PLCL1: variants seen among roughly 807,000 people sequenced by gnomAD.
PLCL1 encodes phospholipase C like 1 (inactive), also known as inactive phospholipase C-like protein 1.
In PLCL1, 41 loss-of-function variants were observed where a neutral mutation model predicts 84.4. The observed-to-expected ratio is 0.49, with a 90% CI of 0.38 to 0.63. The LOEUF is 0.63. PLCL1 is among the 30% of genes least tolerant of loss of function. The probability of loss-of-function intolerance (pLI) is 0.00; values close to 1 mark genes in which losing one functional copy is unlikely to be tolerated. For synonymous variants in PLCL1, 490 were observed against 488.3 expected (o/e 1.00, Z -0.05); for missense variants, 1,206 against 1,367.8 (o/e 0.88, Z 1.87).
chr2:197,949,882 G>A (rs966824789), intron 1 of PLCL1, among the ~76,000 whole-genome samples: 1 of 152,138 alleles, frequency 6.6e-6, no homozygotes, highest in African/African-American at 2.4e-5. Context: ...ATTTATGAGT[G>A]GGGAACTCAA....
At chr2:197,875,475 C>T (rs1687717131) in intron 1 of PLCL1, among the ~76,000 whole-genome samples, 1 of 151,990 alleles carries the variant, frequency 6.6e-6, no homozygotes, top group African/African-American at 2.4e-5. Flanking sequence ...TCAAAATGAT[C>T]TATTTGTTGA....
At chr2:198,031,659 C>G (rs111761649) in intron 1 of PLCL1, among the ~76,000 whole-genome samples, 1 of 103,826 alleles carries the variant, frequency 9.6e-6, no homozygotes, top group Non-Finnish European at 1.9e-5. Flanking sequence ...ATGGCCAGTG[C>G]TTTTTTTTTT....
At chr2:198,116,767 CAAAGA>C (rs963992273) in intron 5 of PLCL1, among the ~76,000 whole-genome samples, 3 of 151,844 alleles carry the variant, frequency 2.0e-5, no homozygotes, top group Non-Finnish European at 2.9e-5. Flanking sequence ...GTTTCAGAGA[CAAAGA>C]AGAGAATCCT....
chr2:198,144,661 C>T (rs16827923), intron 5 of PLCL1, among the ~76,000 whole-genome samples: 2 of 152,198 alleles, frequency 1.3e-5, no homozygotes, highest in Admixed American at 6.5e-5. Context: ...GAAAATGGCC[C>T]AGATAAAAAT....
intron 1 of PLCL1, among the ~76,000 whole-genome samples, chr2:198,034,910 G>C (rs988350763): frequency 2.0e-5 from 3 of 152,172 alleles, no homozygotes; most frequent in Non-Finnish European, 2.9e-5. Context: ...GGGTTAATCT[G>C]ATGTTGTTTA....
At chr2:198,076,769 C>T (rs1218408345) in intron 1 of PLCL1, among the ~76,000 whole-genome samples, 1 of 152,144 alleles carries the variant, frequency 6.6e-6, no homozygotes, top group Admixed American at 6.5e-5. Context: ...GAAAATTTAA[C>T]GTGAAATTAA....
chr2:198,070,545 T>C (rs1406834905), intron 1 of PLCL1, among the ~76,000 whole-genome samples: 1 of 152,062 alleles, frequency 6.6e-6, no homozygotes, highest in Admixed American at 6.5e-5. Flanking sequence ...TGTAAGATAC[T>C]AAAATAATTT....
chr2:197,961,298 T>C (rs546395893), intron 1 of PLCL1, among the ~76,000 whole-genome samples: 66 of 151,376 alleles, frequency 4.4e-4, no homozygotes, highest in Non-Finnish European at 7.7e-4. Flanking sequence ...TGTCTAACAT[T>C]AGATTTTTTG....
chr2:197,897,131 T>C (rs536286975), intron 1 of PLCL1, among the ~76,000 whole-genome samples: 11 of 30,498 alleles, frequency 3.6e-4, no homozygotes, highest in African/African-American at 2.4e-3. Context: ...TTCTTCTTCT[T>C]CTTCTTCTTC....
intron 1 of PLCL1, among the ~76,000 whole-genome samples, chr2:197,878,353 G>A (rs572422456): frequency 5.0e-4 from 76 of 152,206 alleles, no homozygotes; most frequent in African/African-American, 1.8e-3. Flanking sequence ...GTAGCAGCAA[G>A]CATTTGACTT....
intron 5 of PLCL1, among the ~76,000 whole-genome samples, chr2:198,110,661 A>G (rs1019565400): frequency 6.6e-6 from 1 of 151,878 alleles, no homozygotes; most frequent in Non-Finnish European, 1.5e-5. Context: ...CTTACTGGCC[A>G]TAGATATTTA....
intron 1 of PLCL1, among the ~76,000 whole-genome samples, chr2:198,036,629 G>A (rs796798336): frequency 6.6e-6 from 1 of 152,106 alleles, no homozygotes; most frequent in Non-Finnish European, 1.5e-5. Context: ...ATTGACCTAA[G>A]CTGATTTGGT....
chr2:197,919,404 G>A (rs1019023914), intron 1 of PLCL1, among the ~76,000 whole-genome samples: 4 of 152,146 alleles, frequency 2.6e-5, no homozygotes, highest in African/African-American at 4.8e-5. Flanking sequence ...CCCACATGTC[G>A]TTTACTATCA....
chr2:197,965,406 A>G (rs137879165), intron 1 of PLCL1, among the ~76,000 whole-genome samples: 200 of 152,146 alleles, frequency 1.3e-3, no homozygotes, highest in African/African-American at 4.3e-3. Context: ...TGGTTGTCAT[A>G]TCTCCTTTAA....
Position 197,891,492 on chromosome 2 carries a change from G to A in PLCL1, c.240+86153G>A, listed in dbSNP as rs145767697. The stretch of plus-strand genomic sequence containing the variant: ...ACACTTTGAGAAACAGACATTGGGC[G>A]TGTGAAGGGGCTAAGGTGGAATTGG... On this transcript the variant is annotated intron_variant, in intron 1 of 5. Transcript: ENST00000428675. 1.5e-3 allele frequency among the ~76,000 whole-genome samples: 231 copies of A among 152,202 alleles called. 1 individual carries two copies. The highest frequency in any genetic ancestry group is 5.1e-3 in the African/African-American group (211 of 41,520).
intron 1 of PLCL1, among the ~76,000 whole-genome samples, chr2:197,865,659 A>G (rs1211829458): frequency 2.0e-5 from 3 of 152,092 alleles, no homozygotes; most frequent in African/African-American, 4.8e-5. Context: ...GTTAAGTTAG[A>G]TGAAACATAT....
At chr2:198,024,159 A>G (rs1017745503) in intron 1 of PLCL1, among the ~76,000 whole-genome samples, 18 of 152,212 alleles carry the variant, frequency 1.2e-4, no homozygotes, top group Admixed American at 9.8e-4. Context: ...CAGAAAACAA[A>G]CACCACATGT....
At chr2:197,955,520 T>A (rs1411098960) in intron 1 of PLCL1, among the ~76,000 whole-genome samples, 1 of 151,676 alleles carries the variant, frequency 6.6e-6, no homozygotes, top group Non-Finnish European at 1.5e-5. Flanking sequence ...GCTGCTCCTA[T>A]TGATCTTTCC....
At chr2:198,074,571 G>A (rs112935877) in intron 1 of PLCL1, among the ~76,000 whole-genome samples, 4,593 of 152,196 alleles carry the variant, frequency 0.03, 222 homozygotes, top group African/African-American at 0.1. Flanking sequence ...CCTGGGAGGC[G>A]GAGCTTGCAG....
Sources: allele counts gnomAD v4.1 joint callset (sites outside exome capture counted in the v4.1 genomes callset), GRCh38; gene constraint gnomAD v4.1.1; transcripts MANE v1.5; gene names NCBI Gene and HGNC (gene_info 2026-07-23, HGNC 2026-07-21).